Variants in GALNT17 observed in about 807,000 individuals in gnomAD.
GALNT17 encodes polypeptide N-acetylgalactosaminyltransferase 17.
GALNT17 carries 29 observed loss-of-function variants against 63.7 expected under a neutral mutation model. The observed-to-expected ratio is 0.46, with a 90% CI of 0.34 to 0.62. GALNT17 has a LOEUF of 0.62. Among genes scored for constraint, GALNT17 ranks in the 20% least tolerant of loss-of-function variants. The probability of loss-of-function intolerance (pLI) is 0.01; values close to 1 mark genes in which losing one functional copy is unlikely to be tolerated. For missense variants in GALNT17, 603 were observed against 799.6 expected, an observed-to-expected ratio of 0.75 and a Z score of 2.97; for synonymous variants, 305 against 318.3, an observed-to-expected ratio of 0.96 and a Z score of 0.45.
Position 71,482,351 on chromosome 7 carries a change from T to C in GALNT17, c.962+61246T>C, listed in dbSNP as rs141921880. Among the ~76,000 whole-genome samples, 398 of 152,262 alleles carry C rather than the reference T, an allele frequency of 2.6e-3. 4 individuals carry two copies. The highest frequency in any genetic ancestry group is 9.3e-3 in the African/African-American group (385 of 41,562). On this transcript the variant is annotated intron_variant, in intron 5 of 10. Transcript: ENST00000333538. Reference sequence around the variant, plus strand: ...TTTTAGTAGACACAGGGTTTTGCCATGTTGGCCAGGCTGGCCTCCAACGCC... The same window carrying C: ...TTTTAGTAGACACAGGGTTTTGCCACGTTGGCCAGGCTGGCCTCCAACGCC...
intron 5 of GALNT17, among the ~76,000 whole-genome samples, chr7:71,521,704 T>TA (rs1412131796): frequency 6.6e-6 from 1 of 152,128 alleles, no homozygotes; most frequent in South Asian, 2.1e-4. Context: ...GGGTTGCTCA[T>TA]AAAAAATGGT....
chr7:71,322,896 A>T (rs988590903), intron 1 of GALNT17, among the ~76,000 whole-genome samples: 4 of 152,128 alleles, frequency 2.6e-5, no homozygotes, highest in Non-Finnish European at 5.9e-5. Flanking sequence ...TAGAACTATG[A>T]GACATAAAGG....
intron 2 of GALNT17, among the ~76,000 whole-genome samples, chr7:71,344,683 C>G (rs1412349181): frequency 1.3e-5 from 2 of 151,918 alleles, no homozygotes; most frequent in South Asian, 4.2e-4. Context: ...CAACTGTGTG[C>G]GAGACATTGC....
At chr7:71,681,563 C>A (rs1456564099) in intron 9 of GALNT17, among the ~76,000 whole-genome samples, 5 of 152,164 alleles carry the variant, frequency 3.3e-5, no homozygotes, top group Admixed American at 2.6e-4. Flanking sequence ...GCAGCAAGAT[C>A]CCAGAGGCTG....
chr7:71,648,747 T>C (rs953961702), intron 6 of GALNT17, among the ~76,000 whole-genome samples: 2 of 152,078 alleles, frequency 1.3e-5, no homozygotes, highest in Non-Finnish European at 2.9e-5. Context: ...CTCAGCTGCG[T>C]TTTATGGCTA....
chr7:71,256,816 T>C (rs1235098338), intron 1 of GALNT17, among the ~76,000 whole-genome samples: 3 of 152,216 alleles, frequency 2.0e-5, no homozygotes, highest in Non-Finnish European at 2.9e-5. Flanking sequence ...CTCGGTACTA[T>C]TGACCGTTCA....
chr7:71,436,028 G>GA (rs71089944), intron 5 of GALNT17, among the ~76,000 whole-genome samples: 77,324 of 137,190 alleles, frequency 0.56, 22,815 homozygotes, highest in Non-Finnish European at 0.68. Context: ...TCAAAAAAAA[G>GA]AAAAAAAAAA....
At chr7:71,337,181 A>G (rs1791923261) in intron 2 of GALNT17, among the ~76,000 whole-genome samples, 1 of 152,154 alleles carries the variant, frequency 6.6e-6, no homozygotes, top group African/African-American at 2.4e-5. Flanking sequence ...AGCCTATGAT[A>G]TCTCACTTTT....
intron 6 of GALNT17, among the ~76,000 whole-genome samples, chr7:71,632,184 T>C (rs1215291925): frequency 6.6e-6 from 1 of 152,132 alleles, no homozygotes; most frequent in Non-Finnish European, 1.5e-5. Context: ...AGGCTCAAGA[T>C]AAGGAACAGC....
intron 6 of GALNT17, among the ~76,000 whole-genome samples, chr7:71,602,052 T>C (rs1424476763): frequency 6.6e-6 from 1 of 152,228 alleles, no homozygotes; most frequent in Non-Finnish European, 1.5e-5. Flanking sequence ...TGCCATGGCC[T>C]TTCACACTTG....
chr7:71,571,115 C>G (rs969575887), intron 5 of GALNT17, among the ~76,000 whole-genome samples, 170 bp from the exon 6 acceptor site: 1 of 123,678 alleles, frequency 8.1e-6, no homozygotes, highest in Non-Finnish European at 1.7e-5. Context: ...TAGGCTGGAA[C>G]CCAGTACATG....
chr7:71,687,586 C>G (rs1036928076), intron 9 of GALNT17, among the ~76,000 whole-genome samples: 4 of 152,126 alleles, frequency 2.6e-5, no homozygotes, highest in Non-Finnish European at 4.4e-5. Context: ...TATGCCTCTC[C>G]CATTTGATAA....
At chr7:71,188,452 G>T (rs1788893178) in intron 1 of GALNT17, among the ~76,000 whole-genome samples, 1 of 152,060 alleles carries the variant, frequency 6.6e-6, no homozygotes, top group Admixed American at 6.6e-5. Flanking sequence ...ATCACATTGT[G>T]GTTTTGATTT....
At chr7:71,141,389 GAAAA>G (rs972512045) in intron 1 of GALNT17, among the ~76,000 whole-genome samples, 1 of 146,130 alleles carries the variant, frequency 6.8e-6, no homozygotes, top group African/African-American at 2.5e-5. Context: ...AAAAAGAAAA[GAAAA>G]AAAAAAGACA....
intron 1 of GALNT17, among the ~76,000 whole-genome samples, chr7:71,190,052 C>A (rs1000827907): frequency 3.3e-5 from 5 of 152,124 alleles, no homozygotes. Flanking sequence ...ACCTTGTGAT[C>A]TGCCCACCTT....
chr7:71,156,680 C>CCCTT (rs1788242689), intron 1 of GALNT17, among the ~76,000 whole-genome samples: 1 of 142,612 alleles, frequency 7.0e-6, no homozygotes, highest in African/African-American at 2.7e-5. Context: ...CTCCCTCCCT[C>CCCTT]CCTTCCTTCC....
chr7:71,227,012 T>C (rs2116434412), intron 1 of GALNT17, among the ~76,000 whole-genome samples: 1 of 151,918 alleles, frequency 6.6e-6, no homozygotes, highest in African/African-American at 2.4e-5. Flanking sequence ...CCCCTCCAGC[T>C]TTTGAGCCCC....
chr7:71,285,046 G>A (rs1790848457), intron 1 of GALNT17, among the ~76,000 whole-genome samples: 1 of 152,094 alleles, frequency 6.6e-6, no homozygotes, highest in Non-Finnish European at 1.5e-5. Context: ...ACAATTAGGT[G>A]CAAAAGTAAA....
At chr7:71,274,277 A>G (rs1790645957) in intron 1 of GALNT17, among the ~76,000 whole-genome samples, 1 of 152,044 alleles carries the variant, frequency 6.6e-6, no homozygotes. Context: ...TTTTTATTTG[A>G]TGTATTAAAT....
Sources: allele counts gnomAD v4.1 joint callset (sites outside exome capture counted in the v4.1 genomes callset), GRCh38; gene constraint gnomAD v4.1.1; transcripts MANE v1.5; gene names NCBI Gene and HGNC (gene_info 2026-07-23, HGNC 2026-07-21).